Variants in ARB2A observed in about 807,000 individuals in gnomAD.
ARB2A encodes cotranscriptional regulator ARB2A.
the ARB2A span, among the ~76,000 whole-genome samples, chr5:93,886,112 C>G: frequency 6.6e-6 from 1 of 151,680 alleles, no homozygotes; most frequent in South Asian, 2.1e-4. Context: ...CAAATGAAAT[C>G]TGATAAAACT....
chr5:93,633,817 T>C, the ARB2A span, among the ~76,000 whole-genome samples: 1 of 152,094 alleles, frequency 6.6e-6, no homozygotes, highest in East Asian at 1.9e-4. Context: ...CCTGTCTATA[T>C]ATATCTGAGA....
At chr5:94,087,469 G>A in the ARB2A span, among the ~76,000 whole-genome samples, 2 of 151,962 alleles carry the variant, frequency 1.3e-5, no homozygotes, top group Admixed American at 1.3e-4. Flanking sequence ...GTTTATTATT[G>A]AATAAAACTA....
the ARB2A span, among the ~76,000 whole-genome samples, chr5:93,819,554 G>A: frequency 2.0e-5 from 3 of 151,974 alleles, no homozygotes; most frequent in African/African-American, 7.2e-5. Context: ...CTCAATTTTT[G>A]ACTCCCAGCA....
chr5:93,876,749 T>C, the ARB2A span, among the ~76,000 whole-genome samples: 1 of 152,106 alleles, frequency 6.6e-6, no homozygotes, highest in East Asian at 1.9e-4. Flanking sequence ...TAAATTGAAC[T>C]TGGTTGCTAA....
the ARB2A span, among the ~76,000 whole-genome samples, chr5:93,866,746 G>A: frequency 1.3e-5 from 2 of 152,100 alleles, no homozygotes; most frequent in African/African-American, 4.8e-5. Context: ...AGTTCCCTTC[G>A]TAAAGCAAGG....
the ARB2A span, among the ~76,000 whole-genome samples, chr5:93,823,645 T>C: frequency 6.6e-6 from 1 of 152,116 alleles, no homozygotes; most frequent in East Asian, 1.9e-4. Context: ...TAAAAACTAA[T>C]ATGTAAATAA....
the ARB2A span, among the ~76,000 whole-genome samples, chr5:93,677,746 C>A: frequency 6.6e-6 from 1 of 152,184 alleles, no homozygotes; most frequent in Non-Finnish European, 1.5e-5. Context: ...GCTCTCCCTG[C>A]GCAAGCTCCC....
the ARB2A span, chr5:93,621,236 C>A: frequency 1.1e-6 from 1 of 950,992 alleles, no homozygotes; most frequent in Non-Finnish European, 1.3e-6. Flanking sequence ...CGGTCCCGCC[C>A]CTCCCCGCCC....
chr5:93,873,400 G>A, the ARB2A span, among the ~76,000 whole-genome samples: 37 of 133,462 alleles, frequency 2.8e-4, 2 homozygotes, highest in African/African-American at 9.6e-4. Context: ...GGAAGGGGAA[G>A]GGGAAGGGGA....
At chr5:94,103,795 C>CAAAAAAAAAAAAAAAAAAAAAAAATA in the ARB2A span, among the ~76,000 whole-genome samples, 1 of 113,344 alleles carries the variant, frequency 8.8e-6, no homozygotes, top group Admixed American at 9.0e-5. Flanking sequence ...TCAACAGATT[C>CAAAAAAAAAAAAAAAAAAAAAAAATA]AAAAAAAAAA....
chr5:93,800,084 A>T, the ARB2A span, among the ~76,000 whole-genome samples: 1 of 152,076 alleles, frequency 6.6e-6, no homozygotes, highest in Admixed American at 6.6e-5. Flanking sequence ...TCTTTGAAAA[A>T]TTTTAAATAA....
chr5:94,034,060 GC>G, the ARB2A span, among the ~76,000 whole-genome samples: 1 of 152,158 alleles, frequency 6.6e-6, no homozygotes, highest in African/African-American at 2.4e-5. Flanking sequence ...GCAGCATGAG[GC>G]CCTCACCAGA....
At chr5:93,760,100 C>T in the ARB2A span, among the ~76,000 whole-genome samples, 2 of 152,170 alleles carry the variant, frequency 1.3e-5, no homozygotes, top group Non-Finnish European at 2.9e-5. Flanking sequence ...TATACACCAA[C>T]AGCGACCAAG....
the ARB2A span, among the ~76,000 whole-genome samples, chr5:93,910,082 CAT>C: frequency 4.7e-5 from 7 of 149,310 alleles, no homozygotes; most frequent in Admixed American, 6.7e-5. Context: ...CTATACTAGC[CAT>C]ATATATATAT....
chr5:93,862,906 G>A, the ARB2A span: 1 of 152,080 alleles, frequency 6.6e-6, no homozygotes, highest in Admixed American at 6.5e-5. Context: ...TAAATTAAAT[G>A]GGTAATTTTT....
the ARB2A span, among the ~76,000 whole-genome samples, chr5:93,859,319 G>T: frequency 6.6e-6 from 1 of 151,596 alleles, no homozygotes; most frequent in Non-Finnish European, 1.5e-5. Flanking sequence ...TTATCAATAC[G>T]GGAAAAAAGG....
chr5:93,746,801 T>A, the ARB2A span, among the ~76,000 whole-genome samples: 1 of 152,290 alleles, frequency 6.6e-6, no homozygotes, highest in South Asian at 2.1e-4. Context: ...GAATTTTAAA[T>A]ATCTGTAAAG....
At chr5:93,618,055 T>C in the ARB2A span, 7 of 152,168 alleles carry the variant, frequency 4.6e-5, no homozygotes, top group East Asian at 7.7e-4. Flanking sequence ...TGAGCAAGAA[T>C]AATAACACCG....
At chr5:93,728,959 G>GAACT in the ARB2A span, among the ~76,000 whole-genome samples, 652 of 152,094 alleles carry the variant, frequency 4.3e-3, 8 homozygotes, top group Non-Finnish European at 4.0e-3. Context: ...TATATACTGA[G>GAACT]AACTATATAA....
Sources: allele counts gnomAD v4.1 joint callset (sites outside exome capture counted in the v4.1 genomes callset), GRCh38; gene constraint gnomAD v4.1.1; transcripts MANE v1.5; gene names NCBI Gene and HGNC (gene_info 2026-07-23, HGNC 2026-07-21).